The following GABRB2 variants were observed in gnomAD, a reference collection of about 807,000 sequenced individuals.
GABRB2 encodes gamma-aminobutyric acid type A receptor subunit beta2.
In GABRB2, 16 loss-of-function variants were observed where a neutral mutation model predicts 54.7. The ratio of observed to expected loss-of-function variants is 0.29; its 90% CI spans 0.20 to 0.44. The LOEUF (loss-of-function observed/expected upper bound fraction) is 0.44. GABRB2 is among the 20% of genes least tolerant of loss of function. GABRB2 has a pLI of 1.00. For missense variants in GABRB2, 355 were observed against 644.0 expected (o/e 0.55, Z 4.86); for synonymous variants, 244 against 233.8 (o/e 1.04, Z -0.40).
chr5:161,427,278 T>C (rs1040761829), intron 4 of GABRB2, among the ~76,000 whole-genome samples: 4 of 152,204 alleles, frequency 2.6e-5, no homozygotes, highest in African/African-American at 9.6e-5. Flanking sequence ...GTTCACATTT[T>C]CTGCAATGGA....
intron 4 of GABRB2, among the ~76,000 whole-genome samples, chr5:161,430,204 A>G (rs1482193833): frequency 6.6e-6 from 1 of 152,096 alleles, no homozygotes; most frequent in Admixed American, 6.6e-5. Context: ...ACCAAACTAA[A>G]ACTCACTGAA....
intron 3 of GABRB2, among the ~76,000 whole-genome samples, chr5:161,514,993 G>A (rs867271231): frequency 2.6e-5 from 4 of 152,110 alleles, no homozygotes; most frequent in African/African-American, 9.7e-5. Flanking sequence ...AGCCATAATA[G>A]CATTCATCCG....
intron 3 of GABRB2, among the ~76,000 whole-genome samples, chr5:161,536,477 C>T (rs1445090290): frequency 6.6e-6 from 1 of 152,150 alleles, no homozygotes; most frequent in Non-Finnish European, 1.5e-5. Flanking sequence ...ATTTTAACCT[C>T]CTCTGATTTC....
At chr5:161,341,128 C>T (rs1246777717) in intron 5 of GABRB2, among the ~76,000 whole-genome samples, 1 of 151,984 alleles carries the variant, frequency 6.6e-6, no homozygotes, top group Non-Finnish European at 1.5e-5. Context: ...AGTTAAAAGC[C>T]AACTCAATAT....
chr5:161,453,832 T>C (rs752447543), intron 4 of GABRB2, among the ~76,000 whole-genome samples: 4 of 151,316 alleles, frequency 2.6e-5, no homozygotes, highest in South Asian at 2.1e-4. Context: ...AAATCAGGAG[T>C]TGAAGACCAG....
chr5:161,484,665 T>TA (rs2113336523), intron 3 of GABRB2, among the ~76,000 whole-genome samples: 1 of 152,138 alleles, frequency 6.6e-6, no homozygotes, highest in East Asian at 1.9e-4. Context: ...GCAAAGAGCT[T>TA]ACTTTGCGTT....
chr5:161,326,965 A>G, intron 8 of GABRB2: 1 of 982,688 alleles, frequency 1.0e-6, no homozygotes, highest in Non-Finnish European at 1.2e-6. Context: ...AGCTTAAAAG[A>G]GAAGTAAGGG....
chr5:161,321,016 G>A (rs1354689273), intron 9 of GABRB2, among the ~76,000 whole-genome samples: 1 of 151,898 alleles, frequency 6.6e-6, no homozygotes, highest in Non-Finnish European at 1.5e-5. Flanking sequence ...CCACAAAAAC[G>A]TGGGACATAG....
At chr5:161,526,057 A>G (rs1454829369) in intron 3 of GABRB2, among the ~76,000 whole-genome samples, 3 of 151,352 alleles carry the variant, frequency 2.0e-5, no homozygotes, top group African/African-American at 7.3e-5. Context: ...CCAACACAGG[A>G]GTTACAATTC....
At chr5:161,463,569 A>T (rs866288875) in intron 3 of GABRB2, among the ~76,000 whole-genome samples, 1 of 110,972 alleles carries the variant, frequency 9.0e-6, no homozygotes, top group South Asian at 2.9e-4. Context: ...ATATATATAT[A>T]TATATATATA....
At chr5:161,392,166 C>T (rs1174198764) in intron 5 of GABRB2, among the ~76,000 whole-genome samples, 2 of 152,106 alleles carry the variant, frequency 1.3e-5, no homozygotes, top group African/African-American at 4.8e-5. Flanking sequence ...GTGTTCCAGG[C>T]CTCATGCCCA....
chr5:161,328,335 T>A (rs577089048), intron 8 of GABRB2, among the ~76,000 whole-genome samples: 1 of 152,168 alleles, frequency 6.6e-6, no homozygotes, highest in Non-Finnish European at 1.5e-5. Flanking sequence ...CTACCACTTA[T>A]TATATTTTAA....
At chr5:161,328,290 G>C (rs1054740523) in intron 8 of GABRB2, among the ~76,000 whole-genome samples, 13 of 152,036 alleles carry the variant, frequency 8.6e-5, no homozygotes, top group African/African-American at 3.1e-4. Flanking sequence ...AATAAGTATG[G>C]GGACTGCAAA....
intron 3 of GABRB2, among the ~76,000 whole-genome samples, chr5:161,482,709 T>C (rs1033594966): frequency 6.6e-6 from 1 of 152,108 alleles, no homozygotes; most frequent in African/African-American, 2.4e-5. Context: ...TACAAGCCCA[T>C]AGATGAAGTC....
At chr5:161,324,837 TC>T (rs1160464425) in intron 9 of GABRB2, among the ~76,000 whole-genome samples, 1 of 152,094 alleles carries the variant, frequency 6.6e-6, no homozygotes, top group African/African-American at 2.4e-5. Flanking sequence ...AATGTAGAAT[TC>T]ATATTTTCAT....
At chr5:161,508,183 T>C (rs1759666567) in intron 3 of GABRB2, among the ~76,000 whole-genome samples, 1 of 151,654 alleles carries the variant, frequency 6.6e-6, no homozygotes, top group East Asian at 1.9e-4. Flanking sequence ...AACCTATTTA[T>C]GCCTCACTAA....
intron 9 of GABRB2, among the ~76,000 whole-genome samples, chr5:161,323,125 A>C (rs780928544): frequency 6.6e-6 from 1 of 151,826 alleles, no homozygotes; most frequent in Non-Finnish European, 1.5e-5. Context: ...CATGAGTTCA[A>C]GCATTCTCCT....
At chr5:161,326,870 G>T in intron 8 of GABRB2, 1 of 456,568 alleles carries the variant, frequency 2.2e-6, no homozygotes, top group Non-Finnish European at 2.9e-6. Flanking sequence ...CAAATACCAC[G>T]GTGGTAAAAA....
intron 5 of GABRB2, among the ~76,000 whole-genome samples, chr5:161,345,933 T>C (rs1355300147): frequency 2.0e-5 from 3 of 152,146 alleles, no homozygotes; most frequent in Non-Finnish European, 4.4e-5. Flanking sequence ...ATCCTTTTAC[T>C]TGTGGCTCCT....
Sources: allele counts gnomAD v4.1 joint callset (sites outside exome capture counted in the v4.1 genomes callset), GRCh38; gene constraint gnomAD v4.1.1; transcripts MANE v1.5; gene names NCBI Gene and HGNC (gene_info 2026-07-23, HGNC 2026-07-21).